FHOD3: variants seen among roughly 807,000 people sequenced by gnomAD.
FHOD3 encodes the protein formin homology 2 domain containing 3.
FHOD3 carries 90 observed loss-of-function variants against 173.0 expected under a neutral mutation model. That is an observed-to-expected ratio of 0.52 (90% CI 0.44 to 0.62). FHOD3 has a LOEUF of 0.62. Ranked by LOEUF, FHOD3 falls within the 20% of genes least tolerant of loss-of-function variation. FHOD3 has a pLI of 0.00. For missense variants in FHOD3, 1,945 were observed against 2,034.7 expected (o/e 0.96, Z 0.85); for synonymous variants, 828 against 823.0 (o/e 1.01, Z -0.10).
intron 5 of FHOD3, among the ~76,000 whole-genome samples, chr18:36,569,687 A>G (rs1568439362): frequency 6.6e-6 from 1 of 152,192 alleles, no homozygotes; most frequent in African/African-American, 2.4e-5. Flanking sequence ...ATCATGGGTC[A>G]CAAAATAAAC....
chr18:36,356,544 C>A (rs753905935), intron 2 of FHOD3, among the ~76,000 whole-genome samples: 2 of 152,170 alleles, frequency 1.3e-5, no homozygotes, highest in African/African-American at 2.4e-5. Context: ...GTTGCCCAGG[C>A]TGGAGTGCAG....
At chr18:36,648,200 G>A (rs2035817850) in intron 10 of FHOD3, among the ~76,000 whole-genome samples, 1 of 152,166 alleles carries the variant, frequency 6.6e-6, no homozygotes, top group Admixed American at 6.5e-5. Context: ...GGGTGAATGG[G>A]GGCTTGTGGT....
intron 3 of FHOD3, among the ~76,000 whole-genome samples, chr18:36,419,101 G>A (rs1056407928): frequency 5.9e-5 from 9 of 151,902 alleles, no homozygotes; most frequent in Non-Finnish European, 1.3e-4. Flanking sequence ...TAGTAGGTCT[G>A]GCTATAAAGA....
intron 24 of FHOD3, among the ~76,000 whole-genome samples, chr18:36,753,407 G>T (rs2042490288): frequency 6.6e-6 from 1 of 152,186 alleles, no homozygotes; most frequent in East Asian, 1.9e-4. Flanking sequence ...ATTTGGAAAT[G>T]CTATATTTAG....
intron 5 of FHOD3, among the ~76,000 whole-genome samples, chr18:36,562,850 G>C (rs1054220556): frequency 2.0e-5 from 3 of 152,176 alleles, no homozygotes; most frequent in Non-Finnish European, 2.9e-5. Context: ...CTACTCACAT[G>C]CCCAGGTCAA....
At chr18:36,329,675 T>C (rs758170573) in intron 1 of FHOD3, among the ~76,000 whole-genome samples, 4 of 152,130 alleles carry the variant, frequency 2.6e-5, no homozygotes, top group Non-Finnish European at 5.9e-5. Flanking sequence ...GAAGAAGAAC[T>C]GGCTCAAGGA....
chr18:36,389,860 T>C (rs1457314933), intron 3 of FHOD3, among the ~76,000 whole-genome samples: 1 of 152,102 alleles, frequency 6.6e-6, no homozygotes. Context: ...GCTCAGCCCT[T>C]CCTTTTTCAA....
At chr18:36,602,394 T>C (rs2031510023) in intron 7 of FHOD3, among the ~76,000 whole-genome samples, 1 of 152,148 alleles carries the variant, frequency 6.6e-6, no homozygotes, top group African/African-American at 2.4e-5. Context: ...ACATATTTAA[T>C]ATGAAGAAAT....
At position 36,457,243 on chromosome 18, in the gene FHOD3, A is replaced by G. The variant is rs2052272087; in HGVS notation, c.338-44689A>G. 3.9e-5 allele frequency among the ~76,000 whole-genome samples: 6 copies of G among 152,274 alleles called. No homozygotes were observed. The South Asian group carries it at 1.2e-3, about 32-fold the overall frequency. The stretch of plus-strand genomic sequence containing the variant: ...ACTTCAATATGGATTTAAAAATGCC[A>G]GTGAGGAGTGACTTAATGCTGGACT... On this transcript the variant is annotated intron_variant, in intron 3 of 28. Transcript: ENST00000590592.
chr18:36,420,978 T>C (rs78937520), intron 3 of FHOD3, among the ~76,000 whole-genome samples: 2,599 of 152,316 alleles, frequency 0.017, 72 homozygotes, highest in African/African-American at 0.059. Flanking sequence ...CCACCCTCTC[T>C]TACCCAGAAG....
intron 1 of FHOD3, among the ~76,000 whole-genome samples, chr18:36,306,399 GTC>G (rs2092098545): frequency 6.6e-6 from 1 of 152,204 alleles, no homozygotes; most frequent in Non-Finnish European, 1.5e-5. Context: ...TCTTGATGAT[GTC>G]TGGTGGGGTG....
chr18:36,726,855 A>G (rs918211783), intron 19 of FHOD3, among the ~76,000 whole-genome samples: 5 of 152,028 alleles, frequency 3.3e-5, no homozygotes, highest in African/African-American at 1.2e-4. Flanking sequence ...TTGTATTTTT[A>G]GTAGAGACGG....
chr18:36,558,868 G>A (rs573005219), intron 5 of FHOD3, among the ~76,000 whole-genome samples: 2 of 152,088 alleles, frequency 1.3e-5, no homozygotes, highest in East Asian at 1.9e-4. Context: ...CAAAGAGAAC[G>A]GGCTGCCTTC....
intron 3 of FHOD3, among the ~76,000 whole-genome samples, chr18:36,423,343 A>G (rs1030749424): frequency 2.6e-5 from 4 of 152,170 alleles, no homozygotes; most frequent in Admixed American, 2.6e-4. Flanking sequence ...AGGAGGTTGG[A>G]AATGGTCTGA....
At chr18:36,452,611 C>G (rs1050723131) in intron 3 of FHOD3, among the ~76,000 whole-genome samples, 2 of 151,918 alleles carry the variant, frequency 1.3e-5, no homozygotes, top group African/African-American at 4.8e-5. Context: ...TCCCTGCCTT[C>G]CAGCCCCTGG....
At chr18:36,691,301 T>C (rs911739536) in intron 16 of FHOD3, among the ~76,000 whole-genome samples, 2 of 152,234 alleles carry the variant, frequency 1.3e-5, no homozygotes, top group African/African-American at 4.8e-5. Flanking sequence ...TTTCTTGCAG[T>C]GGGATTCTGA....
At chr18:36,339,682 G>T (rs767066641) in intron 1 of FHOD3, among the ~76,000 whole-genome samples, 2 of 152,186 alleles carry the variant, frequency 1.3e-5, no homozygotes, top group South Asian at 4.1e-4. Context: ...GAGAGTTGGG[G>T]TTGGGCATGT....
chr18:36,777,596 A>G (rs1277528834), intron 28 of FHOD3: 1 of 152,232 alleles, frequency 6.6e-6, no homozygotes, highest in Non-Finnish European at 1.5e-5. Context: ...TGTTGTTAAA[A>G]TTATCTTTCT....
intron 4 of FHOD3, among the ~76,000 whole-genome samples, chr18:36,505,277 T>A (rs1157923261): frequency 6.6e-6 from 1 of 152,246 alleles, no homozygotes; most frequent in Non-Finnish European, 1.5e-5. Context: ...TAGCACAGAA[T>A]GAAGCTGTTG....
Sources: gnomAD v4.1 joint callset for allele counts (sites outside exome capture counted in the v4.1 genomes callset) on GRCh38, gnomAD v4.1.1 for gene constraint, MANE v1.5 for transcripts, NCBI Gene and HGNC (gene_info 2026-07-23, HGNC 2026-07-21) for gene names.